MAST4: variants seen among roughly 807,000 people sequenced by gnomAD.
MAST4 encodes the protein microtubule-associated serine/threonine-protein kinase 4.
A neutral mutation model predicts 162.7 loss-of-function variants in MAST4; 89 were observed. That is an observed-to-expected ratio of 0.55 (90% CI 0.46 to 0.65). The LOEUF (loss-of-function observed/expected upper bound fraction) is 0.65, where lower values mean the gene tolerates loss of function less well. Ranked by LOEUF, MAST4 falls within the 30% of genes least tolerant of loss-of-function variation. The pLI is 0.00. For missense variants in MAST4, 3,153 were observed against 3,374.0 expected, an observed-to-expected ratio of 0.93 and a Z score of 1.62; for synonymous variants, 1,479 against 1,361.1, an observed-to-expected ratio of 1.09 and a Z score of -1.91.
intron 3 of MAST4, among the ~76,000 whole-genome samples, chr5:66,848,773 T>TA (rs1759079602): frequency 6.6e-6 from 1 of 152,202 alleles, no homozygotes; most frequent in Admixed American, 6.5e-5. Flanking sequence ...TGTGTTTACT[T>TA]ATGAAAGTTG....
chr5:67,031,329 T>C (rs998818146), intron 4 of MAST4, among the ~76,000 whole-genome samples: 6 of 152,138 alleles, frequency 3.9e-5, no homozygotes, highest in African/African-American at 1.4e-4. Flanking sequence ...TTAGCCTGAT[T>C]TATTGCCCTT....
chr5:66,789,988 A>ATTTTTTTT lies in MAST4; in HGVS notation c.642+1217_642+1224dup, dbSNP rs57743987. 2.5e-3 allele frequency among the ~76,000 whole-genome samples: 133 copies of ATTTTTTTT among 52,476 alleles called. 15 individuals are homozygous for ATTTTTTTT. The highest frequency in any genetic ancestry group is 0.01 in the African/African-American group (89 of 8,752). 34.4% of individuals were successfully genotyped at this position (52,476 alleles called of 152,430 possible). ...CTTTATGTTTAACATGCTTATTAGAATTTTTTTTTTTTTTTTTTTTTTTTT... is the reference window on the plus strand; with the variant it reads ...CTTTATGTTTAACATGCTTATTAGAATTTTTTTTTTTTTTTTTTTTTTTTTTTTTTTTT... On this transcript the variant is annotated intron_variant, in intron 3 of 28. Transcript: ENST00000403625.
chr5:67,036,271 A>G (rs2150461468), intron 4 of MAST4, among the ~76,000 whole-genome samples: 1 of 152,280 alleles, frequency 6.6e-6, no homozygotes, highest in Non-Finnish European at 1.5e-5. Context: ...AATTGTGGCT[A>G]GCAATATTTA....
chr5:67,028,506 G>A (rs542647511), intron 4 of MAST4, among the ~76,000 whole-genome samples: 22 of 152,182 alleles, frequency 1.4e-4, no homozygotes, highest in African/African-American at 5.3e-4. Flanking sequence ...CGGGCTTCTG[G>A]GGCAGATGGT....
In MAST4 at chr5:66,872,500, C is replaced by G. The variant is rs145633179; in HGVS notation, c.643-27451C>G. Among the ~76,000 whole-genome samples, 803 of 152,224 alleles carry G rather than the reference C, an allele frequency of 5.3e-3. 8 individuals are homozygous for G. The highest frequency in any genetic ancestry group is 0.018 in the African/African-American group (763 of 41,548). ...ATAATTTTAATCCATAAATATATTA[C>G]ATTTTCTATGCTGAAGTGTTTGAAA... is the stretch of plus-strand genomic sequence containing the variant. On this transcript the variant is annotated intron_variant, in intron 3 of 28. Transcript: ENST00000403625.
chr5:66,865,543 C>T (rs1317066855), intron 3 of MAST4, among the ~76,000 whole-genome samples: 5 of 152,070 alleles, frequency 3.3e-5, no homozygotes, highest in African/African-American at 2.4e-5. Context: ...TTTAAAAAGT[C>T]ATCTATTTAA....
chr5:66,913,152 C>T (rs1275868983), intron 4 of MAST4, among the ~76,000 whole-genome samples: 1 of 152,098 alleles, frequency 6.6e-6, no homozygotes, highest in Non-Finnish European at 1.5e-5. Context: ...ATAAACTGTA[C>T]ATAATTTAAA....
intron 1 of MAST4, among the ~76,000 whole-genome samples, chr5:66,678,532 G>T (rs1402412707): frequency 4.7e-5 from 7 of 149,300 alleles, no homozygotes; most frequent in African/African-American, 1.7e-4. Context: ...GTCTTGTTCT[G>T]TCGCCAGGCT....
intron 3 of MAST4, among the ~76,000 whole-genome samples, chr5:66,855,733 A>G (rs1328081384): frequency 1.3e-5 from 2 of 152,210 alleles, no homozygotes; most frequent in African/African-American, 4.8e-5. Context: ...ACATGTATGC[A>G]CCACCAGCTC....
intron 4 of MAST4, among the ~76,000 whole-genome samples, chr5:67,021,699 T>C (rs1013639742): frequency 6.6e-6 from 1 of 152,216 alleles, no homozygotes; most frequent in Non-Finnish European, 1.5e-5. Flanking sequence ...GAGAATAGAC[T>C]GTGGTAGAAT....
At chr5:66,710,505 C>T (rs546069042) in intron 1 of MAST4, among the ~76,000 whole-genome samples, 114 of 152,276 alleles carry the variant, frequency 7.5e-4, no homozygotes, top group Non-Finnish European at 1.4e-3. Flanking sequence ...CACGTTACAT[C>T]TTCCGTAGCC....
intron 7 of MAST4, among the ~76,000 whole-genome samples, chr5:67,098,887 T>A (rs1308087060): frequency 1.3e-5 from 2 of 152,110 alleles, no homozygotes; most frequent in Non-Finnish European, 2.9e-5. Flanking sequence ...TCAAATATAT[T>A]AATATTTCTG....
chr5:66,702,899 C>T (rs955094900), intron 1 of MAST4, among the ~76,000 whole-genome samples: 1 of 152,104 alleles, frequency 6.6e-6, no homozygotes, highest in East Asian at 1.9e-4. Context: ...TGAGAATAGA[C>T]CACAGGAAAG....
At chr5:66,768,894 T>G (rs1561318305) in intron 2 of MAST4, among the ~76,000 whole-genome samples, 1 of 152,112 alleles carries the variant, frequency 6.6e-6, no homozygotes, top group Admixed American at 6.5e-5. Context: ...TACATTTGCT[T>G]TAAAAAAAAG....
intron 3 of MAST4, among the ~76,000 whole-genome samples, chr5:66,839,371 A>G (rs1280815412): frequency 6.6e-6 from 1 of 152,192 alleles, no homozygotes; most frequent in African/African-American, 2.4e-5. Context: ...AAAGTTACCA[A>G]CTATAATAAT....
chr5:66,623,047 TG>T (rs1744180185), intron 1 of MAST4: 1 of 152,184 alleles, frequency 6.6e-6, no homozygotes, highest in South Asian at 2.1e-4. Context: ...TGAATTCCTA[TG>T]GGACAGGTGA....
chr5:66,946,653 A>G (rs558063229), intron 4 of MAST4, among the ~76,000 whole-genome samples: 49 of 152,290 alleles, frequency 3.2e-4, no homozygotes, highest in African/African-American at 1.1e-3. Flanking sequence ...AAGCGGTAAT[A>G]TATATGGTGA....
At chr5:66,929,995 AC>A (rs1325563906) in intron 4 of MAST4, among the ~76,000 whole-genome samples, 2 of 152,198 alleles carry the variant, frequency 1.3e-5, no homozygotes, top group Non-Finnish European at 2.9e-5. Context: ...TCATACAGAG[AC>A]CTTTCCATAG....
chr5:66,835,011 C>T (rs1004575273), intron 3 of MAST4, among the ~76,000 whole-genome samples: 2 of 152,168 alleles, frequency 1.3e-5, no homozygotes, highest in African/African-American at 4.8e-5. Context: ...GTCTGCCCTA[C>T]AGCAGGTGCT....
Sources: gnomAD v4.1 joint callset for allele counts (sites outside exome capture counted in the v4.1 genomes callset) on GRCh38, gnomAD v4.1.1 for gene constraint, MANE v1.5 for transcripts, NCBI Gene and HGNC (gene_info 2026-07-23, HGNC 2026-07-21) for gene names.